The following OLFML2B variants were observed in gnomAD, a reference collection of about 807,000 sequenced individuals.
The protein encoded by OLFML2B is olfactomedin-like protein 2B.
Under a neutral mutation model 74.9 loss-of-function variants are expected in OLFML2B, and 57 were observed. That is an observed-to-expected ratio of 0.76 (90% CI 0.61 to 0.95). OLFML2B has a LOEUF of 0.95. Ranked by LOEUF, OLFML2B falls within the 40% of genes least tolerant of loss-of-function variation. The pLI, the probability that OLFML2B is intolerant of heterozygous loss-of-function variation, is 0.00. For synonymous variants in OLFML2B, 388 were observed against 405.8 expected, an observed-to-expected ratio of 0.96 and a Z score of 0.53; for missense variants, 986 against 970.6, an observed-to-expected ratio of 1.02 and a Z score of -0.21.
chr1:161,995,410 TAAAC>T (rs1321683743), intron 6 of OLFML2B, among the ~76,000 whole-genome samples: 2 of 152,230 alleles, frequency 1.3e-5, no homozygotes, highest in Non-Finnish European at 2.9e-5. Context: ...CTATTCTAGT[TAAAC>T]AGAATATTGA....
chr1:161,983,819 G>A lies in OLFML2B; in HGVS notation c.2109C>T (p.His703=), dbSNP rs1689497071. 5.6e-6 allele frequency: 9 copies of A among 1,614,194 alleles called. No individual in the cohort carries two copies. The highest frequency in any genetic ancestry group is 1.1e-5 in the South Asian group (1 of 91,084). The change falls in exon 8 of 8, where the codon CAC becomes CAT. Residue 703 remains histidine (H), a synonymous_variant. Coordinates refer to ENST00000294794, the MANE Select transcript of OLFML2B (RefSeq NM_015441.3). ...NANISYAFDT[H]TNTQIVPRLL... ...GCCTGGGGACGATCTGTGTGTTGGTGTGGGTGTCGAAAGCGTAGGAGATGT... is the reference window on the plus strand; with the variant it reads ...GCCTGGGGACGATCTGTGTGTTGGTATGGGTGTCGAAAGCGTAGGAGATGT...
chr1:162,021,148 CT>C (rs1238213126), intron 1 of OLFML2B, among the ~76,000 whole-genome samples: 1 of 152,230 alleles, frequency 6.6e-6, no homozygotes, highest in Non-Finnish European at 1.5e-5. Flanking sequence ...GGCATTTAAT[CT>C]GGGCCTTGAA....
rs575903205 is a variant in OLFML2B, at chr1:162,023,645, C to A, written c.-215G>T. ...ACGCGAGCAGCCCTCGACTGTGCAG[C>A]CCCAGTGGAGAGCCGGACGCAAGGA... On this transcript the variant is annotated 5_prime_UTR_variant, in exon 1 of 8. Coordinates refer to ENST00000294794, the MANE Select transcript of OLFML2B (RefSeq NM_015441.3). 2.6e-6 allele frequency: 1 copy of A among 381,858 alleles called. No individual in the cohort carries two copies. The highest frequency in any genetic ancestry group is 4.0e-5 in the East Asian group (1 of 25,024). 23.7% of individuals were successfully genotyped at this position (381,858 alleles called of 1,614,324 possible).
At chr1:162,021,447 G>A (rs4656345) in intron 1 of OLFML2B, among the ~76,000 whole-genome samples, 3,981 of 152,274 alleles carry the variant, frequency 0.026, 87 homozygotes, top group Non-Finnish European at 0.039. Flanking sequence ...TCTCCAAAAG[G>A]CCCTACATCC....
chr1:162,020,355 C>T (rs1690668509), intron 1 of OLFML2B, among the ~76,000 whole-genome samples, 173 bp from the exon 2 acceptor site: 1 of 152,186 alleles, frequency 6.6e-6, no homozygotes, highest in South Asian at 2.1e-4. Context: ...TCTGACATTT[C>T]CTTGAAGGCA....
Position 161,998,091 on chromosome 1 carries a change from T to A in OLFML2B, c.1208A>T (p.Asp403Val), listed in dbSNP as rs146002791. The change falls in exon 6 of 8, where the codon GAT (aspartate) becomes GTT (valine). Residue 403 changes from aspartate (D) to valine (V), a missense_variant. By Grantham distance (152) the Asp-to-Val change is radical (BLOSUM62 -3). Coordinates refer to ENST00000294794, the MANE Select transcript of OLFML2B (RefSeq NM_015441.3). Reference protein sequence around the residue: ...PTLQTTSVSPDPTRESVLQPS... With the variant: ...PTLQTTSVSPVPTRESVLQPS... ...CTGCAGGACTGACTCCCTTGTGGGATCTGGAGACACCGAGGTTGTTTGGAG... is the reference window on the plus strand; with the variant it reads ...CTGCAGGACTGACTCCCTTGTGGGAACTGGAGACACCGAGGTTGTTTGGAG... 774 of 1,613,994 alleles carry A rather than the reference T, an allele frequency of 4.8e-4. 2 individuals are homozygous for A. In the African/African-American group the frequency reaches 9.1e-3, roughly 19 times the overall value.
chr1:162,008,557 G>A (rs1160949636), intron 3 of OLFML2B, among the ~76,000 whole-genome samples: 1 of 152,240 alleles, frequency 6.6e-6, no homozygotes, highest in Non-Finnish European at 1.5e-5. Flanking sequence ...TTGGGTTCAG[G>A]ATACATGACA....
Position 161,983,435 on chromosome 1 carries a change from GAGA to G in OLFML2B, c.*237_*239del, listed in dbSNP as rs1160503017. ...AAGGAAGGTGGTTACTGGTCAAAAGGAGAAGTTCATTTGCACAAAAATATAAAC... is the reference window on the plus strand; with the variant it reads ...AAGGAAGGTGGTTACTGGTCAAAAGGAGTTCATTTGCACAAAAATATAAAC... On this transcript the variant is annotated 3_prime_UTR_variant, in exon 8 of 8. Transcript: ENST00000294794. The G allele has an allele frequency of 1.6e-5, 6 of 374,938 alleles. No individual in the cohort carries two copies. Among genetic ancestry groups the G allele is most frequent in the Non-Finnish European group, 2.4e-5 (5 of 210,992 alleles). 23.2% of individuals were successfully genotyped at this position (374,938 alleles called of 1,614,324 possible).
chr1:162,005,484 G>A (rs745465731), intron 4 of OLFML2B, among the ~76,000 whole-genome samples: 1 of 152,190 alleles, frequency 6.6e-6, no homozygotes. Context: ...CAGCCACATG[G>A]TATAGTTATG....
At chr1:162,022,461 G>A (rs1690741823) in intron 1 of OLFML2B, among the ~76,000 whole-genome samples, 1 of 151,988 alleles carries the variant, frequency 6.6e-6, no homozygotes, top group South Asian at 2.1e-4. Flanking sequence ...ATATTGGCCA[G>A]GCTGCTCTTG....
chr1:162,000,527 T>C (rs1690055113), intron 4 of OLFML2B, among the ~76,000 whole-genome samples, 189 bp from the exon 5 acceptor site: 1 of 152,172 alleles, frequency 6.6e-6, no homozygotes, highest in South Asian at 2.1e-4. Flanking sequence ...TTCTATGAGG[T>C]AGGACATATT....
Position 162,023,598 on chromosome 1 carries a change from G to A in OLFML2B, c.-168C>T. 1.8e-6 allele frequency: 1 copy of A among 547,494 alleles called. No homozygotes were observed. The highest frequency in any genetic ancestry group is 1.9e-5 in the African/African-American group (1 of 51,568). 33.9% of individuals were successfully genotyped at this position (547,494 alleles called of 1,614,324 possible). ...GCGGGACGGGAGGGTGCGCCCCAGA[G>A]ACTCTGGGCATCTCCTTCCCGACGC... On this transcript the variant is annotated 5_prime_UTR_variant, in exon 1 of 8. Transcript: ENST00000294794.
chr1:162,016,457 C>T (rs12120969), intron 3 of OLFML2B, among the ~76,000 whole-genome samples: 13,278 of 152,180 alleles, frequency 0.087, 706 homozygotes, highest in East Asian at 0.15. Context: ...CCCCAAAAGT[C>T]CACTTTTTCA....
In OLFML2B at chr1:161,983,212, A is replaced by AT. The variant is rs1342019843; in HGVS notation, c.*462dup. On this transcript the variant is annotated 3_prime_UTR_variant, in exon 8 of 8. Coordinates refer to ENST00000294794, the MANE Select transcript of OLFML2B (RefSeq NM_015441.3). ...GGGGATGATTTTAAATTTCTTCTTTATTAAAAAAAAAAAGCGTTTTTCTGG... is the reference window on the plus strand; with the variant it reads ...GGGGATGATTTTAAATTTCTTCTTTATTTAAAAAAAAAAAGCGTTTTTCTGG... 3 of 130,708 alleles carry AT rather than the reference A, an allele frequency of 2.3e-5. No individual in the cohort carries two copies. The highest frequency in any genetic ancestry group is 1.1e-4 in the African/African-American group (3 of 26,940). The allele number at this position is 130,708 out of a possible 1,614,324, so 8.1% of individuals were successfully genotyped here.
In OLFML2B at chr1:161,983,908, C is replaced by A; in HGVS notation, c.2020G>T (p.Gly674Cys). ...WRTGLRRNFY[G>C]NCFVICGVLY... ...ACCCCACAGATGACGAAGCAGTTGCCGTAGAAATTCCTCCGGAGCCCCGTG... is the reference window on the plus strand; with the variant it reads ...ACCCCACAGATGACGAAGCAGTTGCAGTAGAAATTCCTCCGGAGCCCCGTG... Residue 674 changes from glycine (G) to cysteine (C), a missense_variant, in exon 8 of 8, where the codon GGC becomes TGC. By Grantham distance (159) the Gly-to-Cys change is radical. Coordinates refer to ENST00000294794, the MANE Select transcript of OLFML2B (RefSeq NM_015441.3). 1 of 1,614,204 alleles carries A rather than the reference C, an allele frequency of 6.2e-7. No homozygotes were observed. The highest frequency in any genetic ancestry group is 8.5e-7 in the Non-Finnish European group (1 of 1,180,042).
chr1:161,997,769 G>C, intron 6 of OLFML2B, 56 bp downstream of exon 6: 1 of 1,527,426 alleles, frequency 6.5e-7, no homozygotes, highest in Non-Finnish European at 8.9e-7. Flanking sequence ...ATATTTCCAG[G>C]CTCAGCCTTT....
At position 162,023,369 on chromosome 1, in the gene OLFML2B, G is replaced by A; in HGVS notation, c.62C>T (p.Ser21Phe). 2 of 1,605,906 alleles carry A rather than the reference G, an allele frequency of 1.2e-6. No homozygotes were observed. Among genetic ancestry groups the A allele is most frequent in the Middle Eastern group, 1.7e-4 (1 of 6,034 alleles). ...FALIVVPAWVSSIVLTGTSEP... is the reference protein window; with the variant it reads ...FALIVVPAWVFSIVLTGTSEP... ...GCTTGTCCCTGTGAGGACAATGCTG[G>A]ACACCCAGGCCGGAACCACAATCAG... The change falls in exon 1 of 8, where the codon TCC becomes TTC. Residue 21 changes from serine to phenylalanine, a missense_variant. By Grantham distance (155) the Ser-to-Phe change is radical (BLOSUM62 -2). Coordinates refer to ENST00000294794, the MANE Select transcript of OLFML2B (RefSeq NM_015441.3).
At chr1:162,022,244 CTTTTT>C (rs56395023) in intron 1 of OLFML2B, among the ~76,000 whole-genome samples, 6 of 70,734 alleles carry the variant, frequency 8.5e-5, no homozygotes, top group African/African-American at 2.3e-4. Flanking sequence ...TGTATCTCTT[CTTTTT>C]TTTTTTTTTT....
chr1:162,008,833 T>C (rs74571486), intron 3 of OLFML2B, among the ~76,000 whole-genome samples: 12,285 of 152,216 alleles, frequency 0.081, 736 homozygotes, highest in East Asian at 0.26. Context: ...GACAGAAATG[T>C]GTGAGAAGGG....
Sources: gnomAD v4.1 joint callset for allele counts (sites outside exome capture counted in the v4.1 genomes callset) on GRCh38, gnomAD v4.1.1 for gene constraint, MANE v1.5 for transcripts, NCBI Gene and HGNC (gene_info 2026-07-23, HGNC 2026-07-21) for gene names.